Variants in PPP2R1B observed in about 807,000 individuals in gnomAD.
PPP2R1B encodes the protein serine/threonine-protein phosphatase 2A 65 kDa regulatory subunit A beta isoform.
Under a neutral mutation model 72.7 loss-of-function variants are expected in PPP2R1B, and 58 were observed. The observed-to-expected ratio is 0.80, with a 90% confidence interval of 0.65 to 0.99. The LOEUF (loss-of-function observed/expected upper bound fraction) is 0.99. PPP2R1B is among the 50% of genes least tolerant of loss of function. The pLI is 0.00. For missense variants in PPP2R1B, 695 were observed against 733.6 expected (o/e 0.95, Z 0.61); for synonymous variants, 256 against 264.6 (o/e 0.97, Z 0.32).
chr11:111,734,679 C>A (rs904751080), downstream of PPP2R1B, among the ~76,000 whole-genome samples: 2 of 152,254 alleles, frequency 1.3e-5, no homozygotes, highest in Admixed American at 1.3e-4. Context: ...TCTTTGTCAT[C>A]AGTCCTCAGT....
chr11:111,716,686 G>GACAT, the PPP2R1B span, among the ~76,000 whole-genome samples: 1 of 152,190 alleles, frequency 6.6e-6, no homozygotes, highest in African/African-American at 2.4e-5. Context: ...TGTAATAAAA[G>GACAT]ACATAATTCC....
chr11:111,727,027 T>C, exon 16 of PPP2R1B: 1 of 1,614,200 alleles, frequency 6.2e-7, no homozygotes, highest in Non-Finnish European at 8.5e-7. Context: ...AGTGTGTCTC[T>C]AGTATCTCCA....
At chr11:111,723,662 C>T (rs1203262487), downstream of PPP2R1B, 1 of 1,614,164 alleles carries the variant, frequency 6.2e-7, no homozygotes, top group Non-Finnish European at 8.5e-7. Flanking sequence ...CAGCCTGACC[C>T]AGCCCCTGAG....
At chr11:111,710,585 C>G in the PPP2R1B span, among the ~76,000 whole-genome samples, 1 of 152,200 alleles carries the variant, frequency 6.6e-6, no homozygotes, top group South Asian at 2.1e-4. Context: ...ATTCATTTTG[C>G]AAACTAATTC....
intron 13 of PPP2R1B, 120 bp downstream of exon 13, chr11:111,742,403 A>G: frequency 8.4e-7 from 1 of 1,188,360 alleles, no homozygotes. Context: ...ATTTTCTTTA[A>G]GCAAACCCAG....
At chr11:111,752,749 G>A (rs1336126129) in intron 9 of PPP2R1B, among the ~76,000 whole-genome samples, 2 of 152,168 alleles carry the variant, frequency 1.3e-5, no homozygotes, top group Admixed American at 1.3e-4. Context: ...GCCGAGACGG[G>A]CAGATCACGA....
chr11:111,718,316 G>A, the PPP2R1B span, among the ~76,000 whole-genome samples: 10 of 152,272 alleles, frequency 6.6e-5, no homozygotes, highest in South Asian at 2.1e-3. Flanking sequence ...TTCTTGCAAG[G>A]AAACTATTAA....
rs536552683 is a variant in PPP2R1B at position 111,760,620 on chromosome 11, G to A, written c.539+199C>T. ...GCTATGATTGTGCCACCGCACTCCA[G>A]CCTAGACAACAGAGCAAGACCTTAT... On this transcript the variant is annotated intron_variant, in intron 4 of 14. Transcript: ENST00000527614. Among the ~76,000 whole-genome samples the A allele has an allele frequency of 4.0e-5, 6 of 151,766 alleles. 1 individual carries two copies. The highest frequency in any genetic ancestry group is 1.4e-4 in the African/African-American group (6 of 41,392).
At chr11:111,701,405 G>A in the PPP2R1B span, 1 of 1,593,598 alleles carries the variant, frequency 6.3e-7, no homozygotes, top group Non-Finnish European at 8.6e-7. The surrounding 1 kb of genome is among the most constrained non-coding windows in gnomAD (Gnocchi z 4.2). Flanking sequence ...AACAAAGAGT[G>A]TTTGACGTTC....
chr11:111,724,040 C>T, downstream of PPP2R1B: 1 of 1,614,182 alleles, frequency 6.2e-7, no homozygotes, highest in Non-Finnish European at 8.5e-7. Context: ...CTACGACCCA[C>T]TAGCCCTCTC....
the PPP2R1B span, among the ~76,000 whole-genome samples, chr11:111,696,367 C>T: frequency 6.6e-6 from 1 of 152,092 alleles, no homozygotes; most frequent in Non-Finnish European, 1.5e-5. Context: ...AAAATGTTAA[C>T]ATTAGAGGAA....
At chr11:111,749,879 G>A (rs1461347260) in intron 10 of PPP2R1B, among the ~76,000 whole-genome samples, 1 of 152,150 alleles carries the variant, frequency 6.6e-6, no homozygotes, top group African/African-American at 2.4e-5. Context: ...AACTTTCCAG[G>A]TCTAGAAGGA....
In PPP2R1B at chr11:111,742,584, CT is replaced by C; in HGVS notation, c.1635del (p.Ala546GlnfsTer18). 6.2e-7 allele frequency: 1 copy of C among 1,613,866 alleles called. No individual in the cohort carries two copies. Among genetic ancestry groups the C allele is most frequent in the Non-Finnish European group, 8.5e-7 (1 of 1,179,946 alleles). Reference sequence around the variant, plus strand: ...TTGGCCACATTGAAGCGAACATTTGCTACTTGGTCTCCTGCCATTTTTAATA... The same window carrying C: ...TTGGCCACATTGAAGCGAACATTTGCACTTGGTCTCCTGCCATTTTTAATA... ...PIVLKMAGDQVANVRFNVAKS... is the reference protein window; with the variant it reads ...PIVLKMAGDQXANVRFNVAKS... On this transcript the variant is annotated frameshift_variant, in exon 13 of 15. Coordinates refer to ENST00000527614, the MANE Select transcript of PPP2R1B (RefSeq NM_002716.5). LOFTEE classifies it high-confidence loss of function.
At chr11:111,713,464 G>A in the PPP2R1B span, among the ~76,000 whole-genome samples, 2 of 152,254 alleles carry the variant, frequency 1.3e-5, no homozygotes, top group East Asian at 3.9e-4. Context: ...CCAACTTTAT[G>A]AGACTATTAT....
Position 111,753,569 on chromosome 11 carries a change from T to C in PPP2R1B, c.1038A>G (p.Val346=), listed in dbSNP as rs782161494. Residue 346 remains valine (V), a synonymous_variant, in exon 9 of 15, where the codon GTA becomes GTG. Coordinates refer to ENST00000527614, the MANE Select transcript of PPP2R1B (RefSeq NM_002716.5). ...ATTTGACATGTTGATTGGTATCGGA[T>C]ACTAATTCCTAAAATAAAATCGAAA... The part of the protein sequence containing the change: ...NQILPYIKEL[V]SDTNQHVKSA... 28 of 1,601,336 alleles carry C rather than the reference T, an allele frequency of 1.7e-5. No homozygotes were observed. Among genetic ancestry groups the C allele is most frequent in the Non-Finnish European group, 2.2e-5 (26 of 1,175,932 alleles).
chr11:111,712,884 G>A, the PPP2R1B span, among the ~76,000 whole-genome samples: 997 of 152,290 alleles, frequency 6.5e-3, 8 homozygotes, highest in Middle Eastern at 0.054. Context: ...AATGTGCTGG[G>A]CCAGGCACAG....
chr11:111,752,123 C>A lies in PPP2R1B; in HGVS notation c.1338+36G>T, dbSNP rs781839262. ...GCCATGGTAAATTGTCACTATCTGA[C>A]ACTACCCTGCAGTTCATGGAGCAAC... On this transcript the variant is annotated intron_variant, in intron 10 of 14. Coordinates refer to ENST00000527614, the MANE Select transcript of PPP2R1B (RefSeq NM_002716.5). 6 of 1,551,384 alleles carry A rather than the reference C, an allele frequency of 3.9e-6. No individual in the cohort carries two copies. In the African/African-American group the frequency reaches 6.9e-5, roughly 18 times the overall value.
At chr11:111,700,835 A>C in the PPP2R1B span, 3 of 1,603,256 alleles carry the variant, frequency 1.9e-6, no homozygotes, top group Non-Finnish European at 2.6e-6. Context: ...AGAGAAATGC[A>C]GTATAGTTTG....
the PPP2R1B span, chr11:111,720,068 A>G: frequency 6.7e-7 from 1 of 1,501,458 alleles, no homozygotes; most frequent in Admixed American, 1.9e-5. Context: ...AATTGCCAAC[A>G]AGTGGTCACG....
Sources: allele counts gnomAD v4.1 joint callset (sites outside exome capture counted in the v4.1 genomes callset), GRCh38; gene constraint gnomAD v4.1.1; non-coding constraint Gnocchi (gnomAD v3.1); transcripts MANE v1.5; gene names NCBI Gene and HGNC (gene_info 2026-07-23, HGNC 2026-07-21).